VRK2: variants seen among roughly 807,000 people sequenced by gnomAD.
VRK2 encodes VRK serine/threonine kinase 2, also known as serine/threonine-protein kinase VRK2.
In VRK2, 60 loss-of-function variants were observed where a neutral mutation model predicts 57.6. That is an observed-to-expected ratio of 1.04 (90% CI 0.85 to 1.29). The LOEUF (loss-of-function observed/expected upper bound fraction) is 1.29. Among genes scored for constraint, VRK2 ranks in the 50% most tolerant of loss-of-function variants. The pLI, the probability that VRK2 is intolerant of heterozygous loss-of-function variation, is 0.00. For missense variants in VRK2, 705 were observed against 588.1 expected (o/e 1.20, Z -2.06); for synonymous variants, 231 against 199.2 (o/e 1.16, Z -1.35).
At chr2:57,922,453 C>CG (rs1670380386) in intron 1 of VRK2, among the ~76,000 whole-genome samples, 2 of 91,548 alleles carry the variant, frequency 2.2e-5, no homozygotes, top group Non-Finnish European at 4.4e-5. Flanking sequence ...TAGTTACCTT[C>CG]TTGTGTGTGT....
intron 1 of VRK2, among the ~76,000 whole-genome samples, chr2:57,972,610 C>T (rs747675264): frequency 4.0e-5 from 6 of 151,734 alleles, no homozygotes; most frequent in Non-Finnish European, 7.4e-5. Flanking sequence ...ATTCATTTGT[C>T]TCATTTTAAT....
intron 7 of VRK2, among the ~76,000 whole-genome samples, chr2:58,102,002 G>T (rs1292944207): frequency 6.6e-6 from 1 of 151,544 alleles, no homozygotes; most frequent in Non-Finnish European, 1.5e-5. Flanking sequence ...AGTAGAGCTG[G>T]ATATACTGTA....
At chr2:58,082,860 TA>T (rs567151356) in intron 2 of VRK2, among the ~76,000 whole-genome samples, 1 of 151,796 alleles carries the variant, frequency 6.6e-6, no homozygotes, top group South Asian at 2.1e-4. Flanking sequence ...TACTGATAAT[TA>T]AAAACTGGAG....
intron 7 of VRK2, among the ~76,000 whole-genome samples, chr2:58,116,650 A>G (rs897479281): frequency 5.9e-5 from 9 of 152,174 alleles, no homozygotes; most frequent in Non-Finnish European, 8.8e-5. Context: ...GTGATGGTCT[A>G]TGGGGCTTCC....
At chr2:58,097,963 G>A (rs1673398943) in intron 7 of VRK2, among the ~76,000 whole-genome samples, 1 of 152,024 alleles carries the variant, frequency 6.6e-6, no homozygotes, top group African/African-American at 2.4e-5. Context: ...AAGATTGTTT[G>A]TTATCATCGG....
intron 7 of VRK2, among the ~76,000 whole-genome samples, chr2:58,099,572 T>C (rs1225897278): frequency 2.0e-5 from 3 of 152,076 alleles, no homozygotes; most frequent in African/African-American, 7.2e-5. Flanking sequence ...CAGGAATACC[T>C]TGATTGTAGA....
At chr2:58,064,595 C>T (rs1425811331) in intron 2 of VRK2, among the ~76,000 whole-genome samples, 3 of 152,088 alleles carry the variant, frequency 2.0e-5, no homozygotes, top group Admixed American at 1.3e-4. Context: ...AAAAAATTCA[C>T]ACTACTTGCT....
chr2:58,052,257 TA>T (rs1332963136), intron 2 of VRK2, among the ~76,000 whole-genome samples: 5 of 152,238 alleles, frequency 3.3e-5, no homozygotes, highest in African/African-American at 1.2e-4. Flanking sequence ...AGGAACTTGG[TA>T]AGCATTTAAT....
intron 11 of VRK2, among the ~76,000 whole-genome samples, chr2:58,143,328 G>A (rs930206087): frequency 6.6e-6 from 1 of 151,860 alleles, no homozygotes; most frequent in Non-Finnish European, 1.5e-5. Context: ...TCACACATTT[G>A]TGTAGTATCC....
intron 1 of VRK2, chr2:58,017,961 C>T (rs1395118786): frequency 1.3e-5 from 2 of 152,140 alleles, no homozygotes; most frequent in African/African-American, 4.8e-5. Context: ...TAGAAGAAAT[C>T]TCACTTGAAT....
intron 1 of VRK2, among the ~76,000 whole-genome samples, chr2:57,986,824 C>G (rs1371123759): frequency 6.6e-6 from 1 of 152,106 alleles, no homozygotes; most frequent in African/African-American, 2.4e-5. Context: ...GTCTCGAACT[C>G]CTGACCTGAA....
At chr2:58,081,149 C>T (rs1670807758) in intron 2 of VRK2, among the ~76,000 whole-genome samples, 1 of 151,972 alleles carries the variant, frequency 6.6e-6, no homozygotes, top group Admixed American at 6.6e-5. Context: ...ACCTTTTCTA[C>T]ATACACAAGA....
chr2:57,998,804 G>C (rs914761893), intron 1 of VRK2, among the ~76,000 whole-genome samples: 2 of 152,086 alleles, frequency 1.3e-5, no homozygotes, highest in African/African-American at 4.8e-5. Context: ...AGATACTGTT[G>C]GCTGCAACAA....
intron 12 of VRK2, among the ~76,000 whole-genome samples, chr2:58,152,407 T>TA (rs1465852872): frequency 6.6e-6 from 1 of 151,954 alleles, no homozygotes; most frequent in Non-Finnish European, 1.5e-5. Flanking sequence ...CTATTGTTGT[T>TA]ATACGTTTTG....
intron 1 of VRK2, among the ~76,000 whole-genome samples, chr2:57,968,796 T>C (rs1337564060): frequency 5.3e-5 from 8 of 152,094 alleles, no homozygotes; most frequent in African/African-American, 1.9e-4. Context: ...CCCAAAGCAA[T>C]GTTGTTCTGT....
intron 12 of VRK2, among the ~76,000 whole-genome samples, chr2:58,153,028 C>A (rs1683291982): frequency 6.6e-6 from 1 of 151,894 alleles, no homozygotes; most frequent in Admixed American, 6.6e-5. Flanking sequence ...TGTTCCATGA[C>A]CACGTAGGAA....
At chr2:58,011,619 T>C (rs985811892) in intron 1 of VRK2, among the ~76,000 whole-genome samples, 1 of 152,200 alleles carries the variant, frequency 6.6e-6, no homozygotes, top group Non-Finnish European at 1.5e-5. Flanking sequence ...AATTTTAAGA[T>C]GGTAAGAGAT....
chr2:58,015,341 T>C (rs573340539), intron 1 of VRK2, among the ~76,000 whole-genome samples: 1 of 152,334 alleles, frequency 6.6e-6, no homozygotes, highest in East Asian at 1.9e-4. Flanking sequence ...GTATAATGTT[T>C]GTTCTGGAGT....
intron 1 of VRK2, among the ~76,000 whole-genome samples, chr2:57,948,927 A>G (rs1671341147): frequency 6.6e-6 from 1 of 152,156 alleles, no homozygotes; most frequent in African/African-American, 2.4e-5. Flanking sequence ...AGTAAACTGC[A>G]GTAGAAAGGA....
Sources: gnomAD v4.1 joint callset for allele counts (sites outside exome capture counted in the v4.1 genomes callset) on GRCh38, gnomAD v4.1.1 for gene constraint, MANE v1.5 for transcripts, NCBI Gene and HGNC (gene_info 2026-07-23, HGNC 2026-07-21) for gene names.